Variants in EMG1 observed in about 807,000 individuals in gnomAD.
The protein encoded by EMG1 is ribosomal RNA small subunit methyltransferase NEP1.
Under a neutral mutation model 26.9 loss-of-function variants are expected in EMG1, and 24 were observed. The ratio of observed to expected loss-of-function variants is 0.89; its 90% confidence interval spans 0.65 to 1.26. The LOEUF (loss-of-function observed/expected upper bound fraction) is 1.26, where lower values mean the gene tolerates loss of function less well. EMG1 is among the 50% of genes most tolerant of loss of function. The pLI is 0.00. For missense variants in EMG1, 299 were observed against 307.6 expected (o/e 0.97, Z 0.21); for synonymous variants, 140 against 112.6 (o/e 1.24, Z -1.54).
rs1946436883 is a variant in EMG1 at position 6,978,670 on chromosome 12, C to T, written c.*2861C>T. The T allele has an allele frequency of 1.9e-6, 3 of 1,614,084 alleles. No individual in the cohort carries two copies. The highest frequency in any genetic ancestry group is 1.1e-5 in the South Asian group (1 of 91,074). On this transcript the variant is annotated 3_prime_UTR_variant, in exon 6 of 6. Transcript: ENST00000599672. ...GCCCCAGATCAGCATGTACATGCAG[C>T]GGAACCAGAAGGGGTGGTTCTTGAG...
rs1555152519 is a variant in EMG1, at chr12:6,973,258, C to T, written c.169-1081C>T. ...TCTTGGCTCACTGCAATCTCTGTCT[C>T]CTGGGCTCAAGCCATCCTCCCACCT... On this transcript the variant is annotated intron_variant, in intron 1 of 5. Transcript: ENST00000599672. Among the ~76,000 whole-genome samples, 11 of 152,222 alleles carry T rather than the reference C, an allele frequency of 7.2e-5. No individual in the cohort carries two copies. In the South Asian group the frequency reaches 2.1e-3, roughly 29 times the overall value.
downstream of EMG1, among the ~76,000 whole-genome samples, chr12:6,983,856 A>G (rs1270410758): frequency 2.0e-5 from 3 of 152,184 alleles, no homozygotes; most frequent in Non-Finnish European, 4.4e-5. Context: ...AAAATGATAC[A>G]AGGAAGCTAG....
At chr12:6,986,921 C>T (rs782566324) in intron 6 of EMG1, among the ~76,000 whole-genome samples, 74 of 152,032 alleles carry the variant, frequency 4.9e-4, no homozygotes, top group African/African-American at 1.7e-3. Context: ...TGAGACGAGC[C>T]TGGCCAACAT....
chr12:6,975,337 G>A lies in EMG1; in HGVS notation c.580G>A (p.Asp194Asn). The change falls in exon 5 of 6, where the codon GAT (aspartate) becomes AAT (asparagine). Residue 194 changes from aspartate to asparagine, a missense_variant. Coordinates refer to ENST00000599672, the MANE Select transcript of EMG1 (RefSeq NM_006331.8). ...TGTGCGTGAGCTGGTGCCCAGCAGTGATCCTATTGTTTTTGTGGTAGGGGC... is the reference window on the plus strand; with the variant it reads ...TGTGCGTGAGCTGGTGCCCAGCAGTAATCCTATTGTTTTTGTGGTAGGGGC... ...SDVRELVPSS[D>N]PIVFVVGAFA... is the part of the protein sequence containing the mutation. 1 of 1,607,164 alleles carries A rather than the reference G, an allele frequency of 6.2e-7. No homozygotes were observed. Among genetic ancestry groups the A allele is most frequent in the South Asian group, 1.1e-5 (1 of 90,044 alleles).
Position 6,974,175 on chromosome 12 carries a change from C to T in EMG1, c.169-164C>T, listed in dbSNP as rs782409489. ...CCCCCGAAGGGCTTGCTGGGCTCCA[C>T]CCCCAGTGTTCCTGGTTTAGTAGGT... is the stretch of plus-strand genomic sequence containing the variant. On this transcript the variant is annotated intron_variant, in intron 1 of 5. Coordinates refer to ENST00000599672, the MANE Select transcript of EMG1 (RefSeq NM_006331.8). Among the ~76,000 whole-genome samples, 35 of 152,322 alleles carry T rather than the reference C, an allele frequency of 2.3e-4. No individual in the cohort carries two copies. The East Asian group carries it at 6.6e-3, about 29-fold the overall frequency.
downstream of EMG1, among the ~76,000 whole-genome samples, chr12:6,984,498 A>C (rs1187218586): frequency 1.3e-5 from 2 of 152,186 alleles, no homozygotes; most frequent in Non-Finnish European, 2.9e-5. Context: ...GGATCTCTCA[A>C]CTGCTTTTTG....
At chr12:6,981,458 A>C, downstream of EMG1, 2 of 895,200 alleles carry the variant, frequency 2.2e-6, no homozygotes, top group Non-Finnish European at 3.7e-6. Flanking sequence ...GCTCAGTGCT[A>C]TCTGAAAGGG....
In EMG1 at chr12:6,979,360, C is replaced by A; in HGVS notation, c.*3551C>A. The A allele has an allele frequency of 1.3e-6, 1 of 790,698 alleles. No homozygotes were observed. The highest frequency in any genetic ancestry group is 2.1e-6 in the Non-Finnish European group (1 of 476,476). The allele number at this position is 790,698 out of a possible 1,614,324, so 49.0% of individuals were successfully genotyped here. A position where few individuals can be genotyped will look rare whatever the true frequency, so the allele number is the denominator to read the frequency against. ...ACTCACAGATCTAGAGCAAAACCAA[C>A]ATGCACTTGTAGATGATATTTCCTA... is the stretch of plus-strand genomic sequence containing the variant. On this transcript the variant is annotated 3_prime_UTR_variant, in exon 6 of 6. Transcript: ENST00000599672.
chr12:6,977,703 G>A lies in EMG1; in HGVS notation c.*1894G>A. 6.2e-7 allele frequency: 1 copy of A among 1,614,240 alleles called. No homozygotes were observed. The highest frequency in any genetic ancestry group is 8.5e-7 in the Non-Finnish European group (1 of 1,180,046). ...GGAATAGCAACGAGAGACCCTGAGA[G>A]AGTTCTTTATTTCCAAGGAACTTGA... On this transcript the variant is annotated 3_prime_UTR_variant, in exon 6 of 6. Coordinates refer to ENST00000599672, the MANE Select transcript of EMG1 (RefSeq NM_006331.8). The surrounding 1 kb of genome is among the most constrained non-coding windows in gnomAD (Gnocchi z 4.5).
intron 7 of EMG1, among the ~76,000 whole-genome samples, chr12:6,994,366 C>A (rs1391894542): frequency 6.6e-6 from 1 of 151,972 alleles, no homozygotes; most frequent in Non-Finnish European, 1.5e-5. Context: ...CACCACCATG[C>A]CCAGCTAATT....
downstream of EMG1, among the ~76,000 whole-genome samples, chr12:6,980,339 TC>T (rs1293289937): frequency 6.6e-6 from 1 of 151,342 alleles, no homozygotes; most frequent in Non-Finnish European, 1.5e-5. Context: ...CACTGTGCCC[TC>T]CTGCATTTCC....
At chr12:6,974,821 C>CA (rs1946373940) in intron 3 of EMG1, 128 bp downstream of exon 3, 1 of 1,023,620 alleles carries the variant, frequency 9.8e-7, no homozygotes, top group Admixed American at 2.1e-5. Context: ...AATACCAGGA[C>CA]AAGGACTGTT....
At chr12:6,981,939 T>C (rs370875817), downstream of EMG1, 57 of 1,047,742 alleles carry the variant, frequency 5.4e-5, no homozygotes, top group Non-Finnish European at 8.4e-5. Flanking sequence ...CTAGCATCAC[T>C]ACTATTTCTT....
Position 6,979,669 on chromosome 12 carries a change from G to T in EMG1, c.*3860G>T. The T allele has an allele frequency of 1.1e-6, 1 of 883,634 alleles. No individual in the cohort carries two copies. The highest frequency in any genetic ancestry group is 2.5e-5 in the East Asian group (1 of 39,736). 54.7% of individuals were successfully genotyped at this position (883,634 alleles called of 1,614,324 possible). A position where few individuals can be genotyped will look rare whatever the true frequency, so the allele number is the denominator to read the frequency against. ...CTTCAGTTATGGAGAGGAGTGTTTA[G>T]GGGTGTGGTTGTCTACCTGGAATGG... On this transcript the variant is annotated 3_prime_UTR_variant, in exon 6 of 6. Coordinates refer to ENST00000599672, the MANE Select transcript of EMG1 (RefSeq NM_006331.8).
downstream of EMG1, chr12:6,983,655 C>T (rs921588016): frequency 7.3e-6 from 5 of 682,138 alleles, no homozygotes; most frequent in Non-Finnish European, 1.3e-5. Context: ...AAAAAAACAA[C>T]ATACATTATA....
At chr12:6,982,789 G>C, downstream of EMG1, 2 of 1,593,570 alleles carry the variant, frequency 1.3e-6, no homozygotes, top group Non-Finnish European at 1.7e-6. Context: ...TTTCCTGGAT[G>C]CAAGAAGAGA....
At chr12:6,990,526 AAAATAAATAAATAAAT>A (rs59048377), downstream of EMG1, among the ~76,000 whole-genome samples, 2,088 of 144,498 alleles carry the variant, frequency 0.014, 25 homozygotes, top group Non-Finnish European at 0.017. Context: ...AAATTAAAAT[AAAATAAATAAATAAAT>A]AAATAAATAA....
downstream of EMG1, chr12:6,981,474 G>T (rs73264621): frequency 6.2e-3 from 6,199 of 992,052 alleles, 188 homozygotes; most frequent in African/African-American, 0.073. Flanking sequence ...AAGGGAGATT[G>T]CACAGGCTGG....
intron 3 of EMG1, 140 bp downstream of exon 3, chr12:6,974,833 T>C: frequency 1.0e-6 from 1 of 994,266 alleles, no homozygotes; most frequent in Non-Finnish European, 1.5e-6. Context: ...AGGACTGTTA[T>C]TATTTTTCTA....
Sources: gnomAD v4.1 joint callset for allele counts (sites outside exome capture counted in the v4.1 genomes callset) on GRCh38, gnomAD v4.1.1 for gene constraint, Gnocchi (gnomAD v3.1) non-coding constraint, MANE v1.5 for transcripts, NCBI Gene and HGNC (gene_info 2026-07-23, HGNC 2026-07-21) for gene names.